The following KCNJ3 variants were observed in gnomAD, a reference collection of about 807,000 sequenced individuals.
The protein encoded by KCNJ3 is G protein-activated inward rectifier potassium channel 1.
KCNJ3 carries 4 observed loss-of-function variants against 39.2 expected under a neutral mutation model. The ratio of observed to expected loss-of-function variants is 0.10; its 90% CI spans 0.05 to 0.23. The LOEUF (loss-of-function observed/expected upper bound fraction) is 0.23. KCNJ3 is among the 10% of genes least tolerant of loss of function. KCNJ3 has a pLI of 1.00. For missense variants in KCNJ3, 276 were observed against 634.9 expected (o/e 0.43, Z 6.08); for synonymous variants, 230 against 237.4 (o/e 0.97, Z 0.29).
At chr2:154,841,721 T>C (rs907253476) in intron 2 of KCNJ3, among the ~76,000 whole-genome samples, 14 of 152,172 alleles carry the variant, frequency 9.2e-5, no homozygotes, top group Admixed American at 3.9e-4. Context: ...TTTTTTTGCA[T>C]AGAGGTGTTT....
intron 2 of KCNJ3, among the ~76,000 whole-genome samples, chr2:154,757,620 T>C (rs187962561): frequency 1.6e-4 from 24 of 152,340 alleles, no homozygotes; most frequent in African/African-American, 5.3e-4. Context: ...TCTCTGATTT[T>C]GATGGTGTCT....
At chr2:154,706,236 A>G (rs1169594316) in intron 1 of KCNJ3, among the ~76,000 whole-genome samples, 1 of 152,108 alleles carries the variant, frequency 6.6e-6, no homozygotes, top group Non-Finnish European at 1.5e-5. Context: ...TCCTGGTTCT[A>G]TGTTTTCTCG....
intron 2 of KCNJ3, among the ~76,000 whole-genome samples, chr2:154,789,993 C>T (rs981757934): frequency 6.6e-6 from 1 of 151,950 alleles, no homozygotes; most frequent in Admixed American, 6.6e-5. Context: ...AAATCAAGTT[C>T]CATCAAGTCT....
chr2:154,723,424 T>C (rs191646296), intron 2 of KCNJ3, among the ~76,000 whole-genome samples: 5 of 152,282 alleles, frequency 3.3e-5, no homozygotes, highest in African/African-American at 1.2e-4. Flanking sequence ...TGGGAGTAGG[T>C]TGTGGATAGC....
chr2:154,835,345 T>TTTTTG (rs1687438131), intron 2 of KCNJ3, among the ~76,000 whole-genome samples: 4 of 151,432 alleles, frequency 2.6e-5, no homozygotes, highest in Non-Finnish European at 5.9e-5. Flanking sequence ...ATTTTCTTTT[T>TTTTTG]TTTGTTTACT....
At chr2:154,844,590 T>C (rs1454282516) in intron 2 of KCNJ3, among the ~76,000 whole-genome samples, 1 of 152,178 alleles carries the variant, frequency 6.6e-6, no homozygotes, top group Non-Finnish European at 1.5e-5. Flanking sequence ...TGTTGATCTG[T>C]GGTGGGCTCC....
chr2:154,723,495 C>T (rs183105487), intron 2 of KCNJ3, among the ~76,000 whole-genome samples: 3 of 152,054 alleles, frequency 2.0e-5, no homozygotes, highest in African/African-American at 4.8e-5. Flanking sequence ...AAAAGGGAAG[C>T]TACCACAGGT....
intron 2 of KCNJ3, among the ~76,000 whole-genome samples, chr2:154,773,530 A>G (rs1218372754): frequency 6.6e-6 from 1 of 152,130 alleles, no homozygotes. Flanking sequence ...GGTGATATTT[A>G]GTTCCATGGT....
chr2:154,725,112 G>A (rs1362584846), intron 2 of KCNJ3, among the ~76,000 whole-genome samples: 4 of 150,824 alleles, frequency 2.7e-5, no homozygotes, highest in Admixed American at 2.6e-4. Flanking sequence ...AACCTTATTG[G>A]TATAATATCA....
intron 2 of KCNJ3, among the ~76,000 whole-genome samples, chr2:154,836,217 A>C (rs1261036439): frequency 0.027 from 1,603 of 60,364 alleles, 31 homozygotes; most frequent in African/African-American, 0.051. Context: ...CAAAAAAAAA[A>C]ACAAAAAAAA....
chr2:154,744,553 G>A (rs1685705357), intron 2 of KCNJ3, among the ~76,000 whole-genome samples: 2 of 151,656 alleles, frequency 1.3e-5, no homozygotes, highest in African/African-American at 4.8e-5. Flanking sequence ...TATTTTGGTA[G>A]TACATTTTTT....
intron 2 of KCNJ3, among the ~76,000 whole-genome samples, chr2:154,822,642 TGATTACAG>T (rs1687203851): frequency 1.3e-5 from 2 of 152,140 alleles, no homozygotes; most frequent in African/African-American, 4.8e-5. Context: ...CATACCTATT[TGATTACAG>T]GAGTAAAGTT....
chr2:154,729,482 C>A (rs1236448026), intron 2 of KCNJ3, among the ~76,000 whole-genome samples: 1 of 152,012 alleles, frequency 6.6e-6, no homozygotes, highest in African/African-American at 2.4e-5. Flanking sequence ...TTCACAATAC[C>A]CCTTGTAGAT....
chr2:154,813,270 G>C (rs1687031667), intron 2 of KCNJ3, among the ~76,000 whole-genome samples: 1 of 151,944 alleles, frequency 6.6e-6, no homozygotes, highest in African/African-American at 2.4e-5. Context: ...GCAAATTATG[G>C]GAAGCTCTGC....
chr2:154,710,708 T>A (rs374629753), intron 2 of KCNJ3, among the ~76,000 whole-genome samples: 1 of 152,182 alleles, frequency 6.6e-6, no homozygotes, highest in East Asian at 1.9e-4. Flanking sequence ...TAGCTTTTAA[T>A]TGTTTTCTAC....
At chr2:154,745,610 A>G (rs1685727045) in intron 2 of KCNJ3, among the ~76,000 whole-genome samples, 1 of 152,148 alleles carries the variant, frequency 6.6e-6, no homozygotes, top group East Asian at 1.9e-4. Context: ...ACAATTGCTC[A>G]TTAAAGCATT....
At chr2:154,817,582 T>A (rs1687104785) in intron 2 of KCNJ3, among the ~76,000 whole-genome samples, 1 of 152,162 alleles carries the variant, frequency 6.6e-6, no homozygotes, top group Admixed American at 6.6e-5. Context: ...AAGAGACAGC[T>A]CTATTAGGTT....
chr2:154,746,148 A>T (rs922223632), intron 2 of KCNJ3, among the ~76,000 whole-genome samples: 1 of 151,978 alleles, frequency 6.6e-6, no homozygotes, highest in Non-Finnish European at 1.5e-5. Context: ...CTTCCTCGTG[A>T]TGGTTTTTTA....
chr2:154,753,394 T>A (rs1685882732), intron 2 of KCNJ3, among the ~76,000 whole-genome samples: 1 of 152,156 alleles, frequency 6.6e-6, no homozygotes, highest in Admixed American at 6.5e-5. Flanking sequence ...CCTTTGTTAT[T>A]TCTTTATTTA....
Sources: gnomAD v4.1 joint callset for allele counts (sites outside exome capture counted in the v4.1 genomes callset) on GRCh38, gnomAD v4.1.1 for gene constraint, MANE v1.5 for transcripts, NCBI Gene and HGNC (gene_info 2026-07-23, HGNC 2026-07-21) for gene names.